The following NUP188 variants were observed in gnomAD, a reference collection of about 807,000 sequenced individuals.
NUP188 encodes nucleoporin 188.
A neutral mutation model predicts 223.0 loss-of-function variants in NUP188; 97 were observed. The observed-to-expected ratio is 0.43, with a 90% CI of 0.37 to 0.51. NUP188 has a LOEUF of 0.51. Ranked by LOEUF, NUP188 falls within the 20% of genes least tolerant of loss-of-function variation. The probability of loss-of-function intolerance (pLI) is 0.00; values close to 1 mark genes in which losing one functional copy is unlikely to be tolerated. For synonymous variants in NUP188, 869 were observed against 828.0 expected (o/e 1.05, Z -0.85); for missense variants, 1,947 against 2,175.6 (o/e 0.89, Z 2.09).
In NUP188 at chr9:128,956,963, A is replaced by G; in HGVS notation, c.258A>G (p.Glu86=). The G allele has an allele frequency of 6.2e-7, 1 of 1,611,280 alleles. No individual in the cohort carries two copies. Among genetic ancestry groups the G allele is most frequent in the Non-Finnish European group, 8.5e-7 (1 of 1,178,456 alleles). The change falls in exon 5 of 44, where the codon GAA becomes GAG. Residue 86 remains glutamate (E), a synonymous_variant. Coordinates refer to ENST00000372577, the MANE Select transcript of NUP188 (RefSeq NM_015354.3). ...TCTCTGTGTTTCAGGGTCTTGATGA[A>G]GAACAGAGTGTGCAGTTACTCCAGT... The part of the protein sequence containing the change: ...LRISKFLGLD[E]EQSVQLLQCY...
chr9:129,005,673 T>C lies in NUP188; in HGVS notation c.4766T>C (p.Leu1589Pro), dbSNP rs1842778312. Residue 1589 changes from leucine to proline, a missense_variant, in exon 41 of 44, where the codon CTG becomes CCG. By Grantham distance (98) the Leu-to-Pro change is moderately conservative (BLOSUM62 -3). Transcript: ENST00000372577. ...CTGGACCTTGCTGAATACAACTTCCTGTTTGCCCTGAGCTTTACCACTCCC... is the reference window on the plus strand; with the variant it reads ...CTGGACCTTGCTGAATACAACTTCCCGTTTGCCCTGAGCTTTACCACTCCC... Reference protein sequence around the residue: ...QSLDLAEYNFLFALSFTTPTF... With the variant: ...QSLDLAEYNFPFALSFTTPTF... The C allele has an allele frequency of 6.2e-7, 1 of 1,614,086 alleles. No individual in the cohort carries two copies. Among genetic ancestry groups the C allele is most frequent in the Non-Finnish European group, 8.5e-7 (1 of 1,179,974 alleles).
chr9:128,974,382 G>C (rs967164300), intron 12 of NUP188, among the ~76,000 whole-genome samples: 2 of 148,552 alleles, frequency 1.3e-5, no homozygotes, highest in Admixed American at 6.7e-5. Context: ...TTCTGCAGCA[G>C]GTTGTTGTTT....
Position 129,006,535 on chromosome 9 carries a change from C to T in NUP188, c.5107C>T (p.Arg1703Cys). 6.2e-7 allele frequency: 1 copy of T among 1,613,814 alleles called. No individual in the cohort carries two copies. The highest frequency in any genetic ancestry group is 8.5e-7 in the Non-Finnish European group (1 of 1,179,888). ...TLLSSLSRYF[R>C]RGAPSSPATG... is the part of the protein sequence containing the mutation. ...GCTGTCCAGCCTCTCGCGCTACTTC[C>T]GCCGGGGAGCCCCCAGCTCCCCTGC... is the stretch of plus-strand genomic sequence containing the variant. The change falls in exon 44 of 44, where the codon CGC (arginine) becomes TGC (cysteine). Residue 1703 changes from arginine (R) to cysteine (C), a missense_variant. This residue lies in a region of NUP188 where 905 missense variants were observed against 990.6 expected (regional missense o/e 0.91). Coordinates refer to ENST00000372577, the MANE Select transcript of NUP188 (RefSeq NM_015354.3).
intron 8 of NUP188, among the ~76,000 whole-genome samples, chr9:128,963,174 T>A (rs899087290): frequency 9.2e-5 from 14 of 152,244 alleles, no homozygotes; most frequent in African/African-American, 3.4e-4. Context: ...TTTTGACTAT[T>A]AGGAATAATG....
In NUP188 at chr9:128,947,764, T is replaced by C; in HGVS notation, c.32+13T>C. 7.0e-7 allele frequency: 1 copy of C among 1,430,342 alleles called. No individual in the cohort carries two copies. Among genetic ancestry groups the C allele is most frequent in the South Asian group, 1.4e-5 (1 of 69,094 alleles). 88.6% of individuals were successfully genotyped at this position (1,430,342 alleles called of 1,614,324 possible). ...GGCCGTGTGTGAGGTGCGGAGCGGG[T>C]CGAATGGACCGGGGTGGCTGTGAAG... On this transcript the variant is annotated intron_variant, in intron 1 of 43. Coordinates refer to ENST00000372577, the MANE Select transcript of NUP188 (RefSeq NM_015354.3).
At chr9:128,993,475 G>A (rs1341727566) in intron 26 of NUP188, 50 bp from the exon 27 acceptor site, 1 of 1,613,076 alleles carries the variant, frequency 6.2e-7, no homozygotes, top group Non-Finnish European at 8.5e-7. Flanking sequence ...TGCAAGTACA[G>A]CTGCTGGCAG....
intron 12 of NUP188, among the ~76,000 whole-genome samples, chr9:128,978,717 G>A (rs796366247): frequency 5.4e-4 from 82 of 152,024 alleles, no homozygotes; most frequent in African/African-American, 1.7e-3. Flanking sequence ...TTTTTTGTTT[G>A]TTTGTTTTTT....
chr9:128,955,516 C>T (rs1325450382), intron 3 of NUP188, among the ~76,000 whole-genome samples: 1 of 152,172 alleles, frequency 6.6e-6, no homozygotes, highest in Non-Finnish European at 1.5e-5. Context: ...TCAGTATAGA[C>T]TCAAATATAT....
Position 128,970,998 on chromosome 9 carries a change from C to T in NUP188, c.1113+40C>T, listed in dbSNP as rs760359072. 30 of 1,460,738 alleles carry T rather than the reference C, an allele frequency of 2.1e-5. 1 individual carries two copies. The Middle Eastern group carries it at 5.2e-4, about 25-fold the overall frequency. The allele number at this position is 1,460,738 out of a possible 1,614,324, so 90.5% of individuals were successfully genotyped here. A position where few individuals can be genotyped will look rare whatever the true frequency, so the allele number is the denominator to read the frequency against. On this transcript the variant is annotated intron_variant, in intron 11 of 43. Coordinates refer to ENST00000372577, the MANE Select transcript of NUP188 (RefSeq NM_015354.3). ...CTGGGTGGTGAGCATGGGAGTGAGC[C>T]GGCAGAAGCATTATAATAATGTAAT...
intron 12 of NUP188, among the ~76,000 whole-genome samples, chr9:128,978,556 C>CAAA (rs57813508): frequency 3.4e-4 from 23 of 67,604 alleles, no homozygotes; most frequent in South Asian, 1.1e-3. Context: ...GAGTGAGACT[C>CAAA]AAAAAAAAAA....
intron 2 of NUP188, among the ~76,000 whole-genome samples, chr9:128,949,830 T>C (rs1841754026): frequency 6.6e-6 from 1 of 151,994 alleles, no homozygotes; most frequent in Non-Finnish European, 1.5e-5. Flanking sequence ...GGTTTCACCA[T>C]GTTGGCCAGG....
chr9:128,964,666 C>G (rs1588273394), intron 8 of NUP188, among the ~76,000 whole-genome samples: 1 of 151,246 alleles, frequency 6.6e-6, no homozygotes, highest in Admixed American at 6.6e-5. Flanking sequence ...AGCCACTGCT[C>G]CTAGACTGTA....
intron 24 of NUP188, among the ~76,000 whole-genome samples, chr9:128,989,555 T>G (rs553052187): frequency 6.6e-6 from 1 of 151,850 alleles, no homozygotes; most frequent in South Asian, 2.1e-4. Context: ...AAAAGTTAGC[T>G]GGGTATGGTG....
intron 37 of NUP188, 103 bp from the exon 38 acceptor site, chr9:129,003,214 C>T (rs1564568593): frequency 1.4e-6 from 2 of 1,395,344 alleles, no homozygotes; most frequent in East Asian, 4.6e-5. Context: ...GCCAACTCAG[C>T]ATTTGGGGGC....
intron 15 of NUP188, 143 bp downstream of exon 15, chr9:128,981,533 C>G (rs1440613270): frequency 1.3e-6 from 1 of 799,374 alleles, no homozygotes; most frequent in African/African-American, 1.7e-5. Context: ...CCACCTTAGC[C>G]TCCCAAAGCA....
intron 10 of NUP188, 130 bp downstream of exon 10, chr9:128,969,644 G>T: frequency 1.8e-6 from 1 of 541,882 alleles, no homozygotes. Context: ...GTTCTACAAT[G>T]TTTTCGTTTT....
chr9:128,997,522 C>T (rs919242676), intron 30 of NUP188, among the ~76,000 whole-genome samples: 11 of 152,130 alleles, frequency 7.2e-5, no homozygotes, highest in Non-Finnish European at 1.5e-4. Context: ...CAGGATCTCA[C>T]TATGTTGATC....
intron 25 of NUP188, among the ~76,000 whole-genome samples, chr9:128,990,586 C>A (rs1009817205): frequency 6.6e-6 from 1 of 151,138 alleles, no homozygotes; most frequent in Non-Finnish European, 1.5e-5. Context: ...ATTAGGGGGC[C>A]GGGCATGGTG....
chr9:128,984,107 C>T (rs1002613281), intron 19 of NUP188, among the ~76,000 whole-genome samples: 12 of 132,462 alleles, frequency 9.1e-5, no homozygotes, highest in African/African-American at 3.9e-4. Context: ...TAGGCGTGAG[C>T]CACCGCGCCT....
Sources: gnomAD v4.1 joint callset for allele counts (sites outside exome capture counted in the v4.1 genomes callset) on GRCh38, gnomAD v4.1.1 for gene constraint, gnomAD v4.1.1 regional missense constraint, MANE v1.5 for transcripts, NCBI Gene and HGNC (gene_info 2026-07-23, HGNC 2026-07-21) for gene names.